Variants in INPP4A observed in about 807,000 individuals in gnomAD.
INPP4A encodes the protein inositol polyphosphate-4-phosphatase type I A.
In INPP4A, 33 loss-of-function variants were observed where a neutral mutation model predicts 119.8. The ratio of observed to expected loss-of-function variants is 0.28; its 90% CI spans 0.21 to 0.37. The LOEUF (loss-of-function observed/expected upper bound fraction) is 0.37, where lower values mean the gene tolerates loss of function less well. Among genes scored for constraint, INPP4A ranks in the 10% least tolerant of loss-of-function variants. The pLI is 1.00. For synonymous variants in INPP4A, 496 were observed against 500.7 expected, an observed-to-expected ratio of 0.99 and a Z score of 0.12; for missense variants, 956 against 1,289.9, an observed-to-expected ratio of 0.74 and a Z score of 3.97.
intron 23 of INPP4A, among the ~76,000 whole-genome samples, chr2:98,576,112 A>C (rs903012341): frequency 1.3e-5 from 2 of 152,272 alleles, no homozygotes; most frequent in Non-Finnish European, 2.9e-5. Flanking sequence ...AAATGGGATA[A>C]GTAAAGATTG....
In INPP4A at chr2:98,587,462, T is replaced by G. The variant is rs766668724; in HGVS notation, c.2787-14T>G. On this transcript the variant is annotated splice_polypyrimidine_tract_variant and intron_variant, in intron 24 of 24. Coordinates refer to ENST00000409851, the MANE Select transcript of INPP4A (RefSeq NM_001134225.2). The stretch of plus-strand genomic sequence containing the variant: ...TTTTACTGCCGTCATTTCTTGTGCT[T>G]GTTTTTTCCCCAGTGAGGGTTGTCG... 2.6e-6 allele frequency: 4 copies of G among 1,565,716 alleles called. No homozygotes were observed. Among genetic ancestry groups the G allele is most frequent in the Non-Finnish European group, 2.6e-6 (3 of 1,159,484 alleles).
intron 24 of INPP4A, among the ~76,000 whole-genome samples, chr2:98,584,777 T>C (rs983377591): frequency 6.6e-6 from 1 of 152,238 alleles, no homozygotes; most frequent in East Asian, 1.9e-4. Flanking sequence ...CTTTTTAAAC[T>C]TAAAGTATTT....
intron 15 of INPP4A, among the ~76,000 whole-genome samples, chr2:98,555,259 C>A (rs931623795): frequency 2.0e-5 from 3 of 152,230 alleles, no homozygotes; most frequent in African/African-American, 7.2e-5. Flanking sequence ...GGAGATGAGA[C>A]AGTGCCCTGT....
At chr2:98,454,083 G>A (rs917395543) in intron 1 of INPP4A, among the ~76,000 whole-genome samples, 7 of 152,110 alleles carry the variant, frequency 4.6e-5, no homozygotes, top group Non-Finnish European at 1.0e-4. Context: ...CTCCAGCCTG[G>A]GTGACAGGGC....
At chr2:98,506,906 C>T (rs1684165387) in intron 1 of INPP4A, among the ~76,000 whole-genome samples, 1 of 152,228 alleles carries the variant, frequency 6.6e-6, no homozygotes, top group Non-Finnish European at 1.5e-5. Context: ...ACAGCAAGCC[C>T]TAAAGCTGCG....
intron 1 of INPP4A, among the ~76,000 whole-genome samples, chr2:98,454,204 G>C (rs538397330): frequency 8.5e-5 from 13 of 152,328 alleles, no homozygotes; most frequent in African/African-American, 2.9e-4. Flanking sequence ...CTCCTTGTTT[G>C]GGGCTGGCCC....
intron 21 of INPP4A, among the ~76,000 whole-genome samples, chr2:98,568,230 C>G (rs1696820010): frequency 6.6e-6 from 1 of 152,120 alleles, no homozygotes; most frequent in African/African-American, 2.4e-5. Context: ...ACTGCCGTCC[C>G]CCCTCCTAAG....
chr2:98,546,615 G>T lies in INPP4A; in HGVS notation c.1084G>T (p.Ala362Ser). Residue 362 changes from alanine to serine, a missense_variant, in exon 13 of 25, where the codon GCG becomes TCG. By Grantham distance (99) the Ala-to-Ser change is moderately conservative. Transcript: ENST00000409851. This position sits in a 1 kb window ranked among gnomAD's most constrained non-coding sequence, Gnocchi z 4.2. The stretch of plus-strand genomic sequence containing the variant: ...GAACTACGACATCGTCACCATTGGG[G>T]CGCCAGCAGCACACTGCCAAGGTTT... ...DQNYDIVTIG[A>S]PAAHCQGFKS... 3 of 1,613,840 alleles carry T rather than the reference G, an allele frequency of 1.9e-6. No individual in the cohort carries two copies. The highest frequency in any genetic ancestry group is 2.2e-5 in the South Asian group (2 of 91,078).
intron 1 of INPP4A, among the ~76,000 whole-genome samples, chr2:98,452,046 AG>A (rs1266426617): frequency 6.6e-6 from 1 of 152,038 alleles, no homozygotes; most frequent in African/African-American, 2.4e-5. Context: ...GTTTCATCCT[AG>A]GGGGTTAGTC....
chr2:98,546,133 C>T lies in INPP4A; in HGVS notation c.1054+60C>T, dbSNP rs1384104521. The T allele has an allele frequency of 4.0e-6, 5 of 1,234,888 alleles. No individual in the cohort carries two copies. Among genetic ancestry groups the T allele is most frequent in the Non-Finnish European group, 5.8e-6 (5 of 861,402 alleles). 76.5% of individuals were successfully genotyped at this position (1,234,888 alleles called of 1,614,324 possible). ...ATTTCGCTGCTTTTCTCTGTGGGTA[C>T]TTGGTCCCTGAGTACCCCACATCTG... On this transcript the variant is annotated intron_variant, in intron 12 of 24. Coordinates refer to ENST00000409851, the MANE Select transcript of INPP4A (RefSeq NM_001134225.2). This position sits in a 1 kb window ranked among gnomAD's most constrained non-coding sequence, Gnocchi z 4.2.
At chr2:98,505,201 T>G (rs1305320065) in intron 1 of INPP4A, among the ~76,000 whole-genome samples, 1 of 152,250 alleles carries the variant, frequency 6.6e-6, no homozygotes, top group Non-Finnish European at 1.5e-5. Context: ...TAGAAAAGGT[T>G]CAGGCAGCCT....
intron 1 of INPP4A, among the ~76,000 whole-genome samples, chr2:98,452,056 TCTC>T (rs1329245147): frequency 1.3e-5 from 2 of 152,156 alleles, no homozygotes; most frequent in African/African-American, 2.4e-5. Flanking sequence ...AGGGGGTTAG[TCTC>T]CTCATGATTC....
Position 98,587,596 on chromosome 2 carries a change from A to T in INPP4A, c.2907A>T (p.Lys969Asn). ...GGCCTCCCGAAGGGACTTACGGAAA[A>T]GTTGAAACGTGAACACACGGTTTCC... is the stretch of plus-strand genomic sequence containing the variant. ...HYRPPEGTYG[K>N]VET The change falls in exon 25 of 25, where the codon AAA becomes AAT. Residue 969 changes from lysine (K) to asparagine (N), a missense_variant. Physicochemically the swap from Lys to Asn is moderately conservative, Grantham distance 94. Transcript: ENST00000409851. The T allele has an allele frequency of 6.2e-7, 1 of 1,600,822 alleles. No individual in the cohort carries two copies. The highest frequency in any genetic ancestry group is 8.5e-7 in the Non-Finnish European group (1 of 1,176,240).
intron 1 of INPP4A, among the ~76,000 whole-genome samples, chr2:98,499,729 C>G (rs896921004): frequency 2.0e-5 from 3 of 152,208 alleles, no homozygotes; most frequent in Non-Finnish European, 4.4e-5. Context: ...GTGGAAAGTA[C>G]AGAGAGTTCC....
At chr2:98,557,339 A>G (rs1694673482) in intron 16 of INPP4A, among the ~76,000 whole-genome samples, 1 of 152,264 alleles carries the variant, frequency 6.6e-6, no homozygotes, top group African/African-American at 2.4e-5. Flanking sequence ...GTATGAAACC[A>G]TATGCCACCA....
chr2:98,462,362 C>T (rs1558877153), intron 1 of INPP4A, among the ~76,000 whole-genome samples: 1 of 152,066 alleles, frequency 6.6e-6, no homozygotes, highest in African/African-American at 2.4e-5. Context: ...ATAGGAGAAT[C>T]GCTTGAACCC....
intron 1 of INPP4A, among the ~76,000 whole-genome samples, chr2:98,465,672 G>A (rs1674593808): frequency 6.6e-6 from 1 of 152,148 alleles, no homozygotes; most frequent in Non-Finnish European, 1.5e-5. Context: ...CCAGACTCTG[G>A]GGTAGCTGAC....
At chr2:98,463,782 A>G (rs1674131940) in intron 1 of INPP4A, among the ~76,000 whole-genome samples, 2 of 152,174 alleles carry the variant, frequency 1.3e-5, no homozygotes, top group South Asian at 4.1e-4. Context: ...ATGAGCGTCC[A>G]TGGTCAAGTG....
chr2:98,477,796 G>A (rs1401035200), intron 1 of INPP4A, among the ~76,000 whole-genome samples: 1 of 152,232 alleles, frequency 6.6e-6, no homozygotes, highest in East Asian at 1.9e-4. Flanking sequence ...GACAGCGGTT[G>A]GATGAGGGAG....
Sources: gnomAD v4.1 joint callset for allele counts (sites outside exome capture counted in the v4.1 genomes callset) on GRCh38, gnomAD v4.1.1 for gene constraint, Gnocchi (gnomAD v3.1) non-coding constraint, MANE v1.5 for transcripts, NCBI Gene and HGNC (gene_info 2026-07-23, HGNC 2026-07-21) for gene names.